SH3BGRL2: variants seen among roughly 807,000 people sequenced by gnomAD.
SH3BGRL2 encodes the protein SH3 domain-binding glutamic acid-rich-like protein 2.
A neutral mutation model predicts 14.8 loss-of-function variants in SH3BGRL2; 21 were observed. That is an observed-to-expected ratio of 1.42 (90% CI 1.01 to 2.05). The LOEUF is 2.05. Among genes scored for constraint, SH3BGRL2 ranks in the 30% most tolerant of loss-of-function variants. The pLI is 0.00. For missense variants in SH3BGRL2, 147 were observed against 130.8 expected (o/e 1.12, Z -0.61); for synonymous variants, 50 against 47.8 (o/e 1.05, Z -0.19).
At chr6:79,567,550 AC>A in the SH3BGRL2 span, among the ~76,000 whole-genome samples, 2 of 152,238 alleles carry the variant, frequency 1.3e-5, no homozygotes, top group African/African-American at 4.8e-5. Context: ...TGTAGAAGAA[AC>A]GGACAATTTA....
At chr6:79,601,528 A>G in the SH3BGRL2 span, among the ~76,000 whole-genome samples, 9 of 152,298 alleles carry the variant, frequency 5.9e-5, no homozygotes, top group Non-Finnish European at 1.3e-4. Flanking sequence ...GCAGAAATAT[A>G]TATTTTTAAT....
the SH3BGRL2 span, among the ~76,000 whole-genome samples, chr6:79,590,434 T>G: frequency 2.5e-4 from 21 of 84,314 alleles, no homozygotes; most frequent in African/African-American, 6.3e-4. Flanking sequence ...GATATATATA[T>G]ATATATATAT....
chr6:79,610,676 C>T, the SH3BGRL2 span, among the ~76,000 whole-genome samples: 22 of 152,190 alleles, frequency 1.4e-4, no homozygotes, highest in African/African-American at 3.4e-4. Context: ...CTGGTAGTTT[C>T]GACATTCACA....
At chr6:79,621,946 G>T in the SH3BGRL2 span, among the ~76,000 whole-genome samples, 1 of 151,956 alleles carries the variant, frequency 6.6e-6, no homozygotes, top group African/African-American at 2.4e-5. Context: ...CATATTTGAG[G>T]CTGTGGCAAT....
the SH3BGRL2 span, among the ~76,000 whole-genome samples, chr6:79,566,267 G>A: frequency 6.6e-6 from 1 of 152,118 alleles, no homozygotes; most frequent in Non-Finnish European, 1.5e-5. Context: ...GCTTATTACT[G>A]GTACTTAAAT....
At chr6:79,588,787 C>T in the SH3BGRL2 span, among the ~76,000 whole-genome samples, 1 of 152,168 alleles carries the variant, frequency 6.6e-6, no homozygotes, top group Non-Finnish European at 1.5e-5. Flanking sequence ...CTGAGCACTT[C>T]CCAGGAGTAT....
intron 1 of SH3BGRL2, among the ~76,000 whole-genome samples, chr6:79,671,702 A>G (rs1343276261): frequency 1.3e-5 from 2 of 152,184 alleles, no homozygotes; most frequent in African/African-American, 4.8e-5. Flanking sequence ...CTGTTACCGC[A>G]TGGGAAGCCT....
At chr6:79,601,169 G>A in the SH3BGRL2 span, among the ~76,000 whole-genome samples, 5 of 152,124 alleles carry the variant, frequency 3.3e-5, no homozygotes, top group East Asian at 7.7e-4. Context: ...AAGAGGCAAC[G>A]CTATAGACCA....
intron 1 of SH3BGRL2, among the ~76,000 whole-genome samples, chr6:79,663,556 C>T (rs144061773): frequency 4.9e-4 from 74 of 152,176 alleles, no homozygotes; most frequent in Non-Finnish European, 8.5e-4. Context: ...CAGAGGGGCA[C>T]CCGCCTGTAT....
At chr6:79,551,526 G>A in the SH3BGRL2 span, among the ~76,000 whole-genome samples, 4,467 of 152,200 alleles carry the variant, frequency 0.029, 218 homozygotes, top group African/African-American at 0.1. Flanking sequence ...AAGAGTTACA[G>A]CCTGCAACGT....
At chr6:79,608,793 C>T in the SH3BGRL2 span, among the ~76,000 whole-genome samples, 1 of 152,194 alleles carries the variant, frequency 6.6e-6, no homozygotes, top group East Asian at 1.9e-4. Context: ...GTCCCACCTG[C>T]TTCATTCCCC....
At chr6:79,639,739 C>A (rs1303802191) in intron 1 of SH3BGRL2, among the ~76,000 whole-genome samples, 1 of 152,116 alleles carries the variant, frequency 6.6e-6, no homozygotes, top group African/African-American at 2.4e-5. Flanking sequence ...ACTCAGGAGA[C>A]CCTTTTAGGC....
At chr6:79,681,299 T>A (rs75444517) in intron 2 of SH3BGRL2, among the ~76,000 whole-genome samples, 6,434 of 152,326 alleles carry the variant, frequency 0.042, 425 homozygotes, top group African/African-American at 0.14. Context: ...TTTAATGTTT[T>A]AAAACTATTG....
At chr6:79,548,644 A>G in the SH3BGRL2 span, among the ~76,000 whole-genome samples, 1 of 152,220 alleles carries the variant, frequency 6.6e-6, no homozygotes, top group Non-Finnish European at 1.5e-5. Context: ...ATTCTCTACC[A>G]TATGTCTAGC....
chr6:79,598,951 C>T, the SH3BGRL2 span, among the ~76,000 whole-genome samples: 1 of 151,704 alleles, frequency 6.6e-6, no homozygotes, highest in Non-Finnish European at 1.5e-5. Flanking sequence ...TGTGGTGGCA[C>T]ATGCCTGTAA....
At position 79,672,505 on chromosome 6, in the gene SH3BGRL2, A is replaced by G. The variant is rs139905068; in HGVS notation, c.46-1109A>G. On this transcript the variant is annotated intron_variant, in intron 1 of 3. Coordinates refer to ENST00000369838, the MANE Select transcript of SH3BGRL2 (RefSeq NM_031469.4). ...AATATGTCTTGGAGAGCTTTTCATA[A>G]CAATGTTAACAGTACATACAGAGCT... Among the ~76,000 whole-genome samples, 754 of 152,318 alleles carry G rather than the reference A, an allele frequency of 5.0e-3. 8 individuals are homozygous for G. The highest frequency in any genetic ancestry group is 0.017 in the African/African-American group (722 of 41,564).
chr6:79,562,792 T>A, the SH3BGRL2 span, among the ~76,000 whole-genome samples: 192 of 152,346 alleles, frequency 1.3e-3, 1 homozygote, highest in Non-Finnish European at 2.3e-3. Context: ...CTGATAAGTT[T>A]TTTTAAAAAC....
At chr6:79,537,847 A>G in the SH3BGRL2 span, among the ~76,000 whole-genome samples, 1 of 152,102 alleles carries the variant, frequency 6.6e-6, no homozygotes, top group Non-Finnish European at 1.5e-5. Context: ...GTGCTTCTGG[A>G]TCTTCTTACC....
chr6:79,690,675 G>A lies in SH3BGRL2; in HGVS notation c.232-5810G>A, dbSNP rs557963862. On this transcript the variant is annotated intron_variant, in intron 2 of 3. Coordinates refer to ENST00000369838, the MANE Select transcript of SH3BGRL2 (RefSeq NM_031469.4). Reference sequence around the variant, plus strand: ...GTGGTTTGCTGGACATCACATCCACGGTTGACTAAACATATACACCACTCA... The same window carrying A: ...GTGGTTTGCTGGACATCACATCCACAGTTGACTAAACATATACACCACTCA... Among the ~76,000 whole-genome samples, 7 of 152,264 alleles carry A rather than the reference G, an allele frequency of 4.6e-5. No individual in the cohort carries two copies. In the East Asian group the frequency reaches 5.8e-4, roughly 13 times the overall value.
Sources: allele counts gnomAD v4.1 joint callset (sites outside exome capture counted in the v4.1 genomes callset), GRCh38; gene constraint gnomAD v4.1.1; transcripts MANE v1.5; gene names NCBI Gene and HGNC (gene_info 2026-07-23, HGNC 2026-07-21).